The following TOX3 variants were observed in gnomAD, a reference collection of about 807,000 sequenced individuals.
TOX3 encodes CAG trinucleotide repeat-containing gene F9 protein.
TOX3 carries 22 observed loss-of-function variants against 64.3 expected under a neutral mutation model. The ratio of observed to expected loss-of-function variants is 0.34; its 90% CI spans 0.24 to 0.49. The LOEUF (loss-of-function observed/expected upper bound fraction) is 0.49, where lower values mean the gene tolerates loss of function less well. Ranked by LOEUF, TOX3 falls within the 20% of genes least tolerant of loss-of-function variation. The probability of loss-of-function intolerance (pLI) is 0.99; values close to 1 mark genes in which losing one functional copy is unlikely to be tolerated. For synonymous variants in TOX3, 291 were observed against 273.6 expected, an observed-to-expected ratio of 1.06 and a Z score of -0.63; for missense variants, 661 against 714.4, an observed-to-expected ratio of 0.93 and a Z score of 0.85.
In TOX3 at chr16:52,546,829, G is replaced by T; in HGVS notation, c.-106C>A. ...ACCGTCGAGGGCGCCCGGGGGTGGC[G>T]CGTGGGACTCGCGGCCGGAGGGGCG... On this transcript the variant is annotated 5_prime_UTR_variant, in exon 1 of 7. Coordinates refer to ENST00000219746, the MANE Select transcript of TOX3 (RefSeq NM_001080430.4). The T allele has an allele frequency of 1.6e-6, 2 of 1,259,172 alleles. No individual in the cohort carries two copies. Among genetic ancestry groups the T allele is most frequent in the African/African-American group, 3.1e-5 (2 of 64,026 alleles). The allele number at this position is 1,259,172 out of a possible 1,614,324, so 78.0% of individuals were successfully genotyped here.
intron 1 of TOX3, among the ~76,000 whole-genome samples, chr16:52,492,782 GC>G (rs1261926580): frequency 6.6e-6 from 1 of 150,772 alleles, no homozygotes; most frequent in Non-Finnish European, 1.5e-5. Flanking sequence ...CCCTATCTTT[GC>G]TTCTAATTTG....
At chr16:52,500,660 A>G (rs1961976930) in intron 1 of TOX3, among the ~76,000 whole-genome samples, 1 of 152,202 alleles carries the variant, frequency 6.6e-6, no homozygotes, top group Non-Finnish European at 1.5e-5. Flanking sequence ...AACAGTTAAC[A>G]TTTATTAAAC....
At chr16:52,504,220 A>G (rs922219654) in intron 1 of TOX3, among the ~76,000 whole-genome samples, 6 of 151,992 alleles carry the variant, frequency 3.9e-5, no homozygotes, top group African/African-American at 1.2e-4. Flanking sequence ...TAATCCCAGC[A>G]CTTTGGGTGG....
intron 1 of TOX3, among the ~76,000 whole-genome samples, chr16:52,512,776 CA>C (rs1391470664): frequency 6.6e-6 from 1 of 151,180 alleles, no homozygotes; most frequent in African/African-American, 2.4e-5. Context: ...AAGAAAGAAT[CA>C]ATGGAAAAGC....
At chr16:52,527,043 A>G (rs1023744119) in intron 1 of TOX3, among the ~76,000 whole-genome samples, 3 of 152,016 alleles carry the variant, frequency 2.0e-5, no homozygotes, top group Non-Finnish European at 2.9e-5. Flanking sequence ...ACAGTTAGGA[A>G]AGACAAAACT....
intron 1 of TOX3, among the ~76,000 whole-genome samples, chr16:52,474,785 C>T (rs1961159264): frequency 1.3e-5 from 2 of 152,000 alleles, no homozygotes; most frequent in East Asian, 3.9e-4. Flanking sequence ...TAACTCAGAC[C>T]ATGTCACTCT....
At chr16:52,531,528 AC>A (rs1369042548) in intron 1 of TOX3, among the ~76,000 whole-genome samples, 3 of 152,220 alleles carry the variant, frequency 2.0e-5, no homozygotes, top group Admixed American at 1.3e-4. Flanking sequence ...TGTATAAAAA[AC>A]TTTTTAAAAG....
intron 6 of TOX3, among the ~76,000 whole-genome samples, chr16:52,443,319 A>G (rs1010529339): frequency 4.6e-5 from 7 of 152,192 alleles, no homozygotes; most frequent in Admixed American, 3.9e-4. Context: ...TGTTTTATCT[A>G]TCTAATGAAG....
At chr16:52,511,329 T>G (rs980704779) in intron 1 of TOX3, among the ~76,000 whole-genome samples, 5 of 151,948 alleles carry the variant, frequency 3.3e-5, no homozygotes, top group Admixed American at 6.6e-5. Flanking sequence ...CTGTCTCTAC[T>G]AAAAATACAA....
intron 1 of TOX3, among the ~76,000 whole-genome samples, chr16:52,526,360 T>C (rs983096645): frequency 5.3e-5 from 8 of 152,198 alleles, no homozygotes; most frequent in African/African-American, 1.7e-4. Context: ...AATGAATTGG[T>C]CAATTCTGTC....
intron 1 of TOX3, among the ~76,000 whole-genome samples, chr16:52,497,560 A>C (rs907838340): frequency 1.3e-5 from 2 of 152,232 alleles, no homozygotes. Flanking sequence ...GCAAAATGCC[A>C]ATCAACAAGT....
chr16:52,473,459 C>T (rs1253572632), intron 1 of TOX3, among the ~76,000 whole-genome samples: 1 of 152,174 alleles, frequency 6.6e-6, no homozygotes, highest in Non-Finnish European at 1.5e-5. Context: ...CTATGGACAT[C>T]TGTCAAGTCA....
intron 1 of TOX3, among the ~76,000 whole-genome samples, chr16:52,529,298 CTAAA>C (rs1962796707): frequency 6.6e-6 from 1 of 151,850 alleles, no homozygotes; most frequent in Non-Finnish European, 1.5e-5. Context: ...TATAAAAAGA[CTAAA>C]AGAAGAAGAG....
chr16:52,517,884 C>T (rs1006778612), intron 1 of TOX3, among the ~76,000 whole-genome samples: 1 of 152,088 alleles, frequency 6.6e-6, no homozygotes, highest in African/African-American at 2.4e-5. Context: ...CAGATTTTTG[C>T]TTCTAAAAAC....
chr16:52,501,748 T>C (rs1962009905), intron 1 of TOX3, among the ~76,000 whole-genome samples: 1 of 151,954 alleles, frequency 6.6e-6, no homozygotes, highest in Non-Finnish European at 1.5e-5. Context: ...CTCCCTGAGC[T>C]ATGTGGATTA....
intron 1 of TOX3, among the ~76,000 whole-genome samples, chr16:52,481,720 T>C (rs547223042): frequency 6.6e-6 from 1 of 152,364 alleles, no homozygotes; most frequent in South Asian, 2.1e-4. Flanking sequence ...TTTTACTGCA[T>C]AGTGGCAGAG....
At chr16:52,528,634 C>A (rs1318175776) in intron 1 of TOX3, among the ~76,000 whole-genome samples, 1 of 152,132 alleles carries the variant, frequency 6.6e-6, no homozygotes, top group Admixed American at 6.5e-5. Context: ...TATTAGACCT[C>A]TTGAGTCTAA....
intron 3 of TOX3, among the ~76,000 whole-genome samples, chr16:52,460,293 A>T (rs1047238758): frequency 1.3e-5 from 2 of 152,190 alleles, no homozygotes; most frequent in Non-Finnish European, 2.9e-5. Flanking sequence ...ATATATGAAG[A>T]AAAGTATGTG....
intron 1 of TOX3, among the ~76,000 whole-genome samples, chr16:52,505,292 C>T (rs919701937): frequency 1.3e-5 from 2 of 152,196 alleles, no homozygotes; most frequent in Non-Finnish European, 2.9e-5. Context: ...CAAATCGAAT[C>T]ACATAGTGAT....
Sources: allele counts gnomAD v4.1 joint callset (sites outside exome capture counted in the v4.1 genomes callset), GRCh38; gene constraint gnomAD v4.1.1; transcripts MANE v1.5; gene names NCBI Gene and HGNC (gene_info 2026-07-23, HGNC 2026-07-21).